Variants in EFCAB8 observed in about 807,000 individuals in gnomAD.
The protein encoded by EFCAB8 is EF-hand calcium-binding domain-containing protein 8.
A neutral mutation model predicts 116.3 loss-of-function variants in EFCAB8; 100 were observed. The ratio of observed to expected loss-of-function variants is 0.86; its 90% confidence interval spans 0.73 to 1.02. The LOEUF (loss-of-function observed/expected upper bound fraction) is 1.02, where lower values mean the gene tolerates loss of function less well. Among genes scored for constraint, EFCAB8 ranks in the 50% least tolerant of loss-of-function variants. The pLI, the probability that EFCAB8 is intolerant of heterozygous loss-of-function variation, is 0.00. For synonymous variants in EFCAB8, 558 were observed against 567.9 expected (o/e 0.98, Z 0.25); for missense variants, 1,320 against 1,416.9 (o/e 0.93, Z 1.10).
chr20:32,882,948 G>A (rs776030119), intron 5 of EFCAB8, among the ~76,000 whole-genome samples: 1 of 152,040 alleles, frequency 6.6e-6, no homozygotes, highest in Non-Finnish European at 1.5e-5. Context: ...GCCCGCCTCG[G>A]CCTCCCAAAG....
Position 32,920,096 on chromosome 20 carries a change from G to T in EFCAB8, c.2293G>T (p.Gly765Cys), listed in dbSNP as rs1356598459. ...VPQQKPSSASGTSRQSSKIHS... is the reference protein window; with the variant it reads ...VPQQKPSSASCTSRQSSKIHS... Reference sequence around the variant, plus strand: ...TTTCCAGAAACCTTCCAGTGCTTCTGGCACATCCAGGCAGTCAAGCAAGAT... The same window carrying T: ...TTTCCAGAAACCTTCCAGTGCTTCTTGCACATCCAGGCAGTCAAGCAAGAT... The change falls in exon 20 of 27, where the codon GGC (glycine) becomes TGC (cysteine). Residue 765 changes from glycine to cysteine, a missense_variant. Coordinates refer to ENST00000400522, the MANE Select transcript of EFCAB8 (RefSeq NM_001143967.2). 1 of 1,551,674 alleles carries T rather than the reference G, an allele frequency of 6.4e-7. No individual in the cohort carries two copies. Among genetic ancestry groups the T allele is most frequent in the Non-Finnish European group, 8.7e-7 (1 of 1,146,980 alleles).
At chr20:32,872,726 G>A (rs1984746415) in intron 3 of EFCAB8, among the ~76,000 whole-genome samples, 1 of 151,870 alleles carries the variant, frequency 6.6e-6, no homozygotes, top group South Asian at 2.1e-4. Flanking sequence ...CCCAGGAGGT[G>A]GAGGTTGTAG....
At chr20:32,910,968 C>A (rs1024945446) in intron 15 of EFCAB8, among the ~76,000 whole-genome samples, 5 of 152,052 alleles carry the variant, frequency 3.3e-5, no homozygotes, top group Non-Finnish European at 1.5e-5. Context: ...AAACTTCTGA[C>A]CTCAAGTGAT....
intron 20 of EFCAB8, among the ~76,000 whole-genome samples, chr20:32,926,631 G>T: frequency 6.8e-6 from 1 of 146,566 alleles, no homozygotes; most frequent in African/African-American, 2.5e-5. Context: ...TTTAGCATTA[G>T]GTATATCTCC....
At position 32,961,599 on chromosome 20, in the gene EFCAB8, T is replaced by A; in HGVS notation, c.3857T>A (p.Val1286Asp). Residue 1286 changes from valine (V) to aspartate (D), a missense_variant, in exon 27 of 27, where the codon GTC becomes GAC. Physicochemically the swap from Val to Asp is radical, Grantham distance 152. Coordinates refer to ENST00000400522, the MANE Select transcript of EFCAB8 (RefSeq NM_001143967.2). The stretch of plus-strand genomic sequence containing the variant: ...TCCTCTGTGAAGGGGAGCTCCCATG[T>A]CAGGTTCTGAGGTGCTCCGCTGTCT... ...FMSSVKGSSH[V>D]RF 5.2e-6 allele frequency: 7 copies of A among 1,342,188 alleles called. No individual in the cohort carries two copies. Among genetic ancestry groups the A allele is most frequent in the Non-Finnish European group, 6.7e-6 (7 of 1,046,176 alleles). The allele number at this position is 1,342,188 out of a possible 1,614,324, so 83.1% of individuals were successfully genotyped here.
At chr20:32,885,174 A>G (rs1020795144) in intron 5 of EFCAB8, among the ~76,000 whole-genome samples, 1 of 152,202 alleles carries the variant, frequency 6.6e-6, no homozygotes, top group African/African-American at 2.4e-5. Flanking sequence ...AGCTTTGCGA[A>G]CAACCTCCGT....
rs374743434 is a variant in EFCAB8 at position 32,889,386 on chromosome 20, C to T, written c.653C>T (p.Ala218Val). The T allele has an allele frequency of 1.9e-5, 29 of 1,551,868 alleles. No homozygotes were observed. In the African/African-American group the frequency reaches 3.3e-4, roughly 18 times the overall value. Residue 218 changes from alanine to valine, a missense_variant, in exon 7 of 27, where the codon GCG becomes GTG. Ala to Val is a moderately conservative substitution (Grantham distance 64). Transcript: ENST00000400522. ...CLHNMNLVAV[A>V]STRQKIDFFD... ...CACAATATGAACCTCGTTGCAGTTG[C>T]GTCTACCAGGCAAAAGATAGGTGAG...
At chr20:32,939,187 CTTTCTTTCTTTCTTTCCT>C (rs1201053449) in intron 22 of EFCAB8, among the ~76,000 whole-genome samples, 24 of 67,642 alleles carry the variant, frequency 3.5e-4, no homozygotes, top group African/African-American at 6.2e-4. Context: ...TTCTTTCTTT[CTTTCTTTCTTTCTTTCCT>C]CTCTCTCTCT....
rs772470051 is a variant in EFCAB8 at position 32,892,287 on chromosome 20, A to G, written c.748A>G (p.Met250Val). 1.4e-5 allele frequency: 22 copies of G among 1,551,578 alleles called. No homozygotes were observed. The South Asian group carries it at 2.6e-4, about 18-fold the overall frequency. Residue 250 changes from methionine (M) to valine (V), a missense_variant, in exon 8 of 27, where the codon ATG (methionine) becomes GTG (valine). Coordinates refer to ENST00000400522, the MANE Select transcript of EFCAB8 (RefSeq NM_001143967.2). ...TGATCTGGACAGCTGTGCTCTGGTCATGGACTACTGGTGAGTCTCCACTGG... is the reference window on the plus strand; with the variant it reads ...TGATCTGGACAGCTGTGCTCTGGTCGTGGACTACTGGTGAGTCTCCACTGG... Reference protein sequence around the residue: ...FVDLDSCALVMDYWSDYHRGV... With the variant: ...FVDLDSCALVVDYWSDYHRGV...
At position 32,921,831 on chromosome 20, in the gene EFCAB8, C is replaced by CTTTTTTTTTT. The variant is rs11483441; in HGVS notation, c.2412+1624_2412+1633dup. On this transcript the variant is annotated intron_variant, in intron 20 of 26. Coordinates refer to ENST00000400522, the MANE Select transcript of EFCAB8 (RefSeq NM_001143967.2). ...CATCTTATTCTTTTGTTACCTTATT[C>CTTTTTTTTTT]TTTTTTTTTTTTTTTTTGAGACGGA... Among the ~76,000 whole-genome samples the CTTTTTTTTTT allele has an allele frequency of 9.3e-4, 121 of 130,194 alleles. 1 individual carries two copies. Among genetic ancestry groups the CTTTTTTTTTT allele is most frequent in the African/African-American group, 3.3e-3 (116 of 34,674 alleles). The allele number at this position is 130,194 out of a possible 152,430, so 85.4% of individuals were successfully genotyped here. A position where few individuals can be genotyped will look rare whatever the true frequency, so the allele number is the denominator to read the frequency against.
At position 32,961,380 on chromosome 20, in the gene EFCAB8, T is replaced by C; in HGVS notation, c.3638T>C (p.Leu1213Pro). 1.4e-6 allele frequency: 2 copies of C among 1,460,816 alleles called. No individual in the cohort carries two copies. The highest frequency in any genetic ancestry group is 1.8e-6 in the Non-Finnish European group (2 of 1,105,046). The allele number at this position is 1,460,816 out of a possible 1,614,324, so 90.5% of individuals were successfully genotyped here. Residue 1213 changes from leucine (L) to proline (P), a missense_variant, in exon 27 of 27, where the codon CTG becomes CCG. Leu to Pro is a moderately conservative substitution (Grantham distance 98). Coordinates refer to ENST00000400522, the MANE Select transcript of EFCAB8 (RefSeq NM_001143967.2). ...LSVTASASRL[L>P]DSSLPTFLTP... Reference sequence around the variant, plus strand: ...GTCACTGCCTCAGCCTCCAGGCTGCTGGACTCCAGCTTGCCCACCTTCCTG... The same window carrying C: ...GTCACTGCCTCAGCCTCCAGGCTGCCGGACTCCAGCTTGCCCACCTTCCTG...
intron 23 of EFCAB8, among the ~76,000 whole-genome samples, chr20:32,944,820 T>C (rs1336829428): frequency 6.6e-6 from 1 of 152,084 alleles, no homozygotes; most frequent in African/African-American, 2.4e-5. Flanking sequence ...TTGGAATCCC[T>C]TGAGCTTCTT....
At chr20:32,871,317 A>G (rs13043436) in intron 3 of EFCAB8, among the ~76,000 whole-genome samples, 48,007 of 151,470 alleles carry the variant, frequency 0.32, 9,720 homozygotes, top group Middle Eastern at 0.47. Context: ...TGTGTAGCCC[A>G]GGGTGGAGTG....
chr20:32,908,852 GA>G (rs1986797442), intron 14 of EFCAB8, among the ~76,000 whole-genome samples: 1 of 152,236 alleles, frequency 6.6e-6, no homozygotes, highest in Non-Finnish European at 1.5e-5. Flanking sequence ...ATCTCTGCAG[GA>G]GAGACCCTGT....
At chr20:32,876,582 A>G (rs1253415663) in intron 4 of EFCAB8, among the ~76,000 whole-genome samples, 1 of 152,244 alleles carries the variant, frequency 6.6e-6, no homozygotes, top group Non-Finnish European at 1.5e-5. Context: ...TGACAATGAT[A>G]ACTAGCATTT....
intron 7 of EFCAB8, 142 bp downstream of exon 7, chr20:32,889,548 C>A: frequency 5.0e-6 from 4 of 804,376 alleles, no homozygotes; most frequent in Non-Finnish European, 8.0e-6. Flanking sequence ...GGCCTTAGTG[C>A]CAAGTAGGCA....
intron 9 of EFCAB8, among the ~76,000 whole-genome samples, chr20:32,895,259 C>G (rs1384391967): frequency 6.6e-6 from 1 of 151,712 alleles, no homozygotes; most frequent in Non-Finnish European, 1.5e-5. Flanking sequence ...CCCATGAGGG[C>G]TGCACCTGGC....
chr20:32,927,327 G>A (rs1031143984), intron 20 of EFCAB8, among the ~76,000 whole-genome samples: 23 of 151,876 alleles, frequency 1.5e-4, no homozygotes, highest in South Asian at 6.3e-4. Context: ...ACCATGATTT[G>A]TTTATTTATT....
At chr20:32,893,415 A>G (rs1354684325) in intron 9 of EFCAB8, 117 bp downstream of exon 9, 2 of 1,434,008 alleles carry the variant, frequency 1.4e-6, no homozygotes, top group Admixed American at 2.3e-5. Flanking sequence ...GTCTCTGGGA[A>G]GGCGTCTGCT....
Sources: allele counts gnomAD v4.1 joint callset (sites outside exome capture counted in the v4.1 genomes callset), GRCh38; gene constraint gnomAD v4.1.1; transcripts MANE v1.5; gene names NCBI Gene and HGNC (gene_info 2026-07-23, HGNC 2026-07-21).